Variants in ARHGEF11 observed in about 807,000 individuals in gnomAD.
ARHGEF11 encodes the protein Rho guanine nucleotide exchange factor 11.
In ARHGEF11, 55 loss-of-function variants were observed where a neutral mutation model predicts 193.7. The observed-to-expected ratio is 0.28, with a 90% CI of 0.23 to 0.36. ARHGEF11 has a LOEUF of 0.36. Ranked by LOEUF, ARHGEF11 falls within the 10% of genes least tolerant of loss-of-function variation. ARHGEF11 has a pLI of 1.00. For missense variants in ARHGEF11, 1,723 were observed against 2,005.6 expected (o/e 0.86, Z 2.69); for synonymous variants, 693 against 768.0 (o/e 0.90, Z 1.62).
intron 22 of ARHGEF11, among the ~76,000 whole-genome samples, chr1:156,951,221 CCACTATAGT>C (rs1300545740): frequency 6.6e-6 from 1 of 152,216 alleles, no homozygotes; most frequent in Non-Finnish European, 1.5e-5. Flanking sequence ...CCTCTTGCCC[CCACTATAGT>C]CTTCCTTATC....
In ARHGEF11 at chr1:156,944,572, G is replaced by A. The variant is rs1314206452; in HGVS notation, c.2992-139C>T. On this transcript the variant is annotated intron_variant, in intron 30 of 40. Coordinates refer to ENST00000368194, the MANE Select transcript of ARHGEF11 (RefSeq NM_198236.3). ...AAAGTCCTTGCCCTTACTCTCTTGT[G>A]CGGGATGAAGACAAGCAAAAAGGTA... 12 of 862,130 alleles carry A rather than the reference G, an allele frequency of 1.4e-5. No individual in the cohort carries two copies. The East Asian group carries it at 3.0e-4, about 22-fold the overall frequency. 53.4% of individuals were successfully genotyped at this position (862,130 alleles called of 1,614,324 possible).
rs1416155472 is a variant in ARHGEF11, at chr1:156,945,074, C to T, written c.2936G>A (p.Arg979His). ...NRHRLEGYQK[R>H]LDATALERAS... ...CCTCTCCAGGGCGGTGGCATCCAGG[C>T]GTTTCTGGTAGCCCTCTAAACGGTG... The change falls in exon 30 of 41, where the codon CGC becomes CAC. Residue 979 changes from arginine (R) to histidine (H), a missense_variant. By Grantham distance (29) the Arg-to-His change is conservative (BLOSUM62 0). Around this residue, in one of 5 missense-constraint regions of ARHGEF11, gnomAD observed 491 missense variants for 654.5 expected, o/e 0.75. Coordinates refer to ENST00000368194, the MANE Select transcript of ARHGEF11 (RefSeq NM_198236.3). The T allele has an allele frequency of 1.4e-5, 23 of 1,614,072 alleles. No homozygotes were observed. Among genetic ancestry groups the T allele is most frequent in the Admixed American group, 3.3e-5 (2 of 60,012 alleles).
intron 1 of ARHGEF11, among the ~76,000 whole-genome samples, chr1:157,019,828 G>C (rs1242113201): frequency 1.3e-5 from 2 of 152,222 alleles, no homozygotes; most frequent in African/African-American, 4.8e-5. Flanking sequence ...GTGAGAGAAA[G>C]GAGGCAAGTA....
chr1:156,995,579 AG>A (rs1238393818), intron 1 of ARHGEF11, among the ~76,000 whole-genome samples: 1 of 148,148 alleles, frequency 6.8e-6, no homozygotes, highest in Non-Finnish European at 1.5e-5. Flanking sequence ...TTTTTGAGAC[AG>A]GGTCTCACTC....
chr1:156,979,460 G>A (rs1404326830), intron 4 of ARHGEF11, among the ~76,000 whole-genome samples, 174 bp from the exon 5 acceptor site: 1 of 150,764 alleles, frequency 6.6e-6, no homozygotes, highest in African/African-American at 2.4e-5. Context: ...CACCTCCTGG[G>A]TTCATGCCAT....
intron 40 of ARHGEF11, among the ~76,000 whole-genome samples, chr1:156,936,497 AATATATATATAT>A (rs1553192804): frequency 2.1e-4 from 7 of 33,940 alleles, no homozygotes; most frequent in African/African-American, 4.6e-4. Context: ...AAAAAAAAAA[AATATATATATAT>A]ATATATATAT....
intron 1 of ARHGEF11, among the ~76,000 whole-genome samples, chr1:156,987,865 T>C (rs1300351115): frequency 6.6e-6 from 1 of 151,948 alleles, no homozygotes. Context: ...GACAAGACAC[T>C]AGGGATGGTT....
chr1:156,940,482 G>A (rs1297854390), intron 35 of ARHGEF11, 57 bp from the exon 36 acceptor site: 5 of 1,504,172 alleles, frequency 3.3e-6, no homozygotes, highest in South Asian at 1.3e-5. Flanking sequence ...ACGTATGGGA[G>A]AGCCTATGGG....
intron 1 of ARHGEF11, among the ~76,000 whole-genome samples, chr1:157,010,666 C>T (rs1249022776): frequency 6.6e-6 from 1 of 152,146 alleles, no homozygotes; most frequent in African/African-American, 2.4e-5. Context: ...TCTCAGCCTC[C>T]CAAAGTGCTG....
rs774402058 is a variant in ARHGEF11 at position 156,942,695 on chromosome 1, C to T, written c.3321G>A (p.Lys1107=). 4 of 1,613,812 alleles carry T rather than the reference C, an allele frequency of 2.5e-6. No homozygotes were observed. In the African/African-American group the frequency reaches 5.3e-5, roughly 22 times the overall value. ...YELVALTSSD[K]NTWMELLEEA... is the part of the protein sequence containing the mutation. ...ACCCCTCAATCAATTCTCACGTGTTCTTGTCTGATGACGTCAATGCAACCA... is the reference window on the plus strand; with the variant it reads ...ACCCCTCAATCAATTCTCACGTGTTTTTGTCTGATGACGTCAATGCAACCA... Residue 1107 remains lysine, a synonymous_variant, in exon 33 of 41, where the codon AAG becomes AAA. Transcript: ENST00000368194.
intron 20 of ARHGEF11, among the ~76,000 whole-genome samples, chr1:156,955,297 CT>C (rs11338857): frequency 0.22 from 33,322 of 152,038 alleles, 3,842 homozygotes; most frequent in East Asian, 0.37. Context: ...ACTAGTTCTA[CT>C]TTAATAGTGA....
At chr1:156,971,611 G>T in intron 8 of ARHGEF11, 86 bp downstream of exon 8, 1 of 1,507,036 alleles carries the variant, frequency 6.6e-7, no homozygotes, top group Non-Finnish European at 8.9e-7. Context: ...CATAACCCAA[G>T]AAGCCTTCTG....
At chr1:156,980,991 C>A (rs4661078) in intron 3 of ARHGEF11, among the ~76,000 whole-genome samples, 70,771 of 151,920 alleles carry the variant, frequency 0.47, 17,294 homozygotes, top group East Asian at 0.8. Context: ...CAACTGTTTT[C>A]TTTCTTTTAA....
chr1:156,947,994 A>G (rs780716731), intron 24 of ARHGEF11, 38 bp from the exon 25 acceptor site: 1 of 1,603,732 alleles, frequency 6.2e-7, no homozygotes, highest in Non-Finnish European at 8.5e-7. Context: ...ATTTAGGAGG[A>G]AGAACTCACA....
intron 35 of ARHGEF11, among the ~76,000 whole-genome samples, chr1:156,940,708 C>T (rs1656658603): frequency 1.3e-5 from 2 of 152,076 alleles, no homozygotes; most frequent in African/African-American, 4.8e-5. Context: ...TAACTTCCAC[C>T]GGAAAGAAGA....
intron 26 of ARHGEF11, 133 bp downstream of exon 26, chr1:156,947,171 G>C: frequency 6.8e-7 from 1 of 1,477,454 alleles, no homozygotes; most frequent in Non-Finnish European, 9.2e-7. Context: ...GTTTCAGGCT[G>C]TCCACAGATC....
intron 1 of ARHGEF11, among the ~76,000 whole-genome samples, chr1:157,036,873 C>T: frequency 6.6e-6 from 1 of 152,054 alleles, no homozygotes; most frequent in Non-Finnish European, 1.5e-5. Context: ...CACCTGTAAT[C>T]CCAGCACTGT....
rs1170999664 is a variant in ARHGEF11, at chr1:156,941,866, G to C, written c.3450C>G (p.Ser1150Arg). 8 of 1,608,498 alleles carry C rather than the reference G, an allele frequency of 5.0e-6. No individual in the cohort carries two copies. The highest frequency in any genetic ancestry group is 6.8e-6 in the Non-Finnish European group (8 of 1,177,448). ...REPAQQGPTP[S>R]RVELDDSDVF... ...GTCTGGAGGGCTAAGCACTGCACCT[G>C]CTGGGTGTGGGGCCCTGCTGGGCTG... Residue 1150 changes from serine to arginine, a missense_variant and splice_region_variant, in exon 34 of 41, where the codon AGC becomes AGG. This residue lies in a region of ARHGEF11 where 203 missense variants were observed against 237.3 expected (regional missense o/e 0.86). Coordinates refer to ENST00000368194, the MANE Select transcript of ARHGEF11 (RefSeq NM_198236.3).
At chr1:156,937,086 G>A (rs1655566025) in intron 39 of ARHGEF11, 81 bp from the exon 40 acceptor site, 1 of 1,572,082 alleles carries the variant, frequency 6.4e-7, no homozygotes, top group Admixed American at 1.8e-5. Flanking sequence ...GCTGGGCCTT[G>A]GGGAGGAGGG....
Sources: allele counts gnomAD v4.1 joint callset (sites outside exome capture counted in the v4.1 genomes callset), GRCh38; gene constraint gnomAD v4.1.1; regional missense constraint gnomAD v4.1.1; transcripts MANE v1.5; gene names NCBI Gene and HGNC (gene_info 2026-07-23, HGNC 2026-07-21).